The following YAF2 variants were observed in gnomAD, a reference collection of about 807,000 sequenced individuals.
YAF2 encodes YY1-associated factor 2.
In YAF2, 7 loss-of-function variants were observed where a neutral mutation model predicts 20.1. The ratio of observed to expected loss-of-function variants is 0.35; its 90% confidence interval spans 0.20 to 0.65. The LOEUF (loss-of-function observed/expected upper bound fraction) is 0.65. YAF2 is among the 30% of genes least tolerant of loss of function. The pLI is 0.69. For missense variants in YAF2, 151 were observed against 219.2 expected, an observed-to-expected ratio of 0.69 and a Z score of 1.96; for synonymous variants, 74 against 76.0, an observed-to-expected ratio of 0.97 and a Z score of 0.14.
At chr12:42,220,212 A>G (rs2067474445) in intron 2 of YAF2, among the ~76,000 whole-genome samples, 1 of 152,244 alleles carries the variant, frequency 6.6e-6, no homozygotes, top group African/African-American at 2.4e-5. Context: ...TTTTAGAAGT[A>G]GCTAACTTCT....
At chr12:42,187,612 ATACT>A (rs2066506761) in intron 2 of YAF2, among the ~76,000 whole-genome samples, 1 of 152,232 alleles carries the variant, frequency 6.6e-6, no homozygotes, top group Admixed American at 6.5e-5. Context: ...TCCTACTCTG[ATACT>A]TACGTAAAAA....
rs573887007 is a variant in YAF2, at chr12:42,210,779, G to A, written c.152+26820C>T. 1.3e-4 allele frequency: 139 copies of A among 1,047,980 alleles called. 1 individual carries two copies. Among genetic ancestry groups the A allele is most frequent in the Non-Finnish European group, 1.2e-4 (94 of 769,392 alleles). 64.9% of individuals were successfully genotyped at this position (1,047,980 alleles called of 1,614,324 possible). On this transcript the variant is annotated intron_variant, in intron 2 of 3. Coordinates refer to ENST00000534854, the MANE Select transcript of YAF2 (RefSeq NM_005748.6). Reference sequence around the variant, plus strand: ...ATTCACTAGATAACTATATATACACGTATCAAAGTAAATATGGAAACAATT... The same window carrying A: ...ATTCACTAGATAACTATATATACACATATCAAAGTAAATATGGAAACAATT...
chr12:42,187,352 G>A (rs1202024747), intron 2 of YAF2, among the ~76,000 whole-genome samples: 1 of 152,064 alleles, frequency 6.6e-6, no homozygotes, highest in Non-Finnish European at 1.5e-5. Flanking sequence ...TAGAGATGGG[G>A]TTCTGTTATG....
chr12:42,210,625 G>A (rs1333284820), intron 2 of YAF2: 4 of 1,536,006 alleles, frequency 2.6e-6, no homozygotes, highest in Non-Finnish European at 3.5e-6. Flanking sequence ...TGGATCTGTG[G>A]AGATTACCCA....
intron 2 of YAF2, among the ~76,000 whole-genome samples, chr12:42,191,902 C>A (rs2066621953): frequency 6.6e-6 from 1 of 151,634 alleles, no homozygotes; most frequent in African/African-American, 2.4e-5. Flanking sequence ...CCAGCCTGGT[C>A]AACATGGTGA....
At chr12:42,219,396 T>C (rs780068808) in intron 2 of YAF2, among the ~76,000 whole-genome samples, 1 of 152,158 alleles carries the variant, frequency 6.6e-6, no homozygotes, top group East Asian at 1.9e-4. Context: ...AGCTGTATGG[T>C]TGAAGGAATG....
intron 2 of YAF2, among the ~76,000 whole-genome samples, chr12:42,176,479 A>C (rs2066196695): frequency 6.6e-6 from 1 of 152,136 alleles, no homozygotes; most frequent in Non-Finnish European, 1.5e-5. Context: ...CAATCTTTTT[A>C]TCTCTCAGTA....
At position 42,237,371 on chromosome 12, in the gene YAF2, T is replaced by G. The variant is rs974442987; in HGVS notation, c.152+228A>C. 22 of 1,214,614 alleles carry G rather than the reference T, an allele frequency of 1.8e-5. No homozygotes were observed. In the African/African-American group the frequency reaches 3.2e-4, roughly 18 times the overall value. The allele number at this position is 1,214,614 out of a possible 1,614,324, so 75.2% of individuals were successfully genotyped here. ...GTAGCTAATGCCTCCCTTAAATAATTTATTCTCTCTTGGCAGCAAAAAACG... is the reference window on the plus strand; with the variant it reads ...GTAGCTAATGCCTCCCTTAAATAATGTATTCTCTCTTGGCAGCAAAAAACG... On this transcript the variant is annotated intron_variant, in intron 2 of 3. Coordinates refer to ENST00000534854, the MANE Select transcript of YAF2 (RefSeq NM_005748.6).
At chr12:42,235,870 C>T (rs1291480469) in intron 2 of YAF2, 2 of 1,535,984 alleles carry the variant, frequency 1.3e-6, no homozygotes, top group African/African-American at 2.7e-5. Context: ...CTTCTTCTTC[C>T]AGGTGCCAGG....
Position 42,175,995 on chromosome 12 carries a change from C to T in YAF2, c.153-14230G>A, listed in dbSNP as rs1367849251. Among the ~76,000 whole-genome samples the T allele has an allele frequency of 2.6e-5, 4 of 151,910 alleles. No homozygotes were observed. In the East Asian group the frequency reaches 5.8e-4, roughly 22 times the overall value. On this transcript the variant is annotated intron_variant, in intron 2 of 3. Transcript: ENST00000534854. ...GGCTTGGTGGCTCACACCCATAATCCCAGCAGTCTGGGAGGCCAAGGCGGG... is the reference window on the plus strand; with the variant it reads ...GGCTTGGTGGCTCACACCCATAATCTCAGCAGTCTGGGAGGCCAAGGCGGG...
At chr12:42,170,457 G>A (rs922420974) in intron 2 of YAF2, among the ~76,000 whole-genome samples, 8 of 152,010 alleles carry the variant, frequency 5.3e-5, no homozygotes, top group Admixed American at 2.6e-4. Context: ...TTGGTTCCTG[G>A]TTTATATTCT....
At chr12:42,232,575 CAGAT>C in intron 2 of YAF2, 1 of 985,390 alleles carries the variant, frequency 1.0e-6, no homozygotes, top group Non-Finnish European at 1.2e-6. Flanking sequence ...AAAGGCTCCT[CAGAT>C]AGACAGGAGG....
In YAF2 at chr12:42,182,374, GA is replaced by G. The variant is rs528209218; in HGVS notation, c.153-20610del. ...TACAGTTGGAACAAAACACAAATGT[GA>G]AAAAAAAATCAATCAGCTTGTTATG... On this transcript the variant is annotated intron_variant, in intron 2 of 3. Transcript: ENST00000534854. 8.5e-3 allele frequency among the ~76,000 whole-genome samples: 1,287 copies of G among 150,694 alleles called. 14 individuals carry two copies. The highest frequency in any genetic ancestry group is 0.029 in the African/African-American group (1,182 of 41,130).
At chr12:42,237,881 G>T in intron 1 of YAF2, 157 bp from the exon 2 acceptor site, 1 of 676,912 alleles carries the variant, frequency 1.5e-6, no homozygotes, top group Non-Finnish European at 1.8e-6. Flanking sequence ...TGAGGGGGAA[G>T]GGAGTCAGGA....
chr12:42,204,512 G>A (rs575062798), intron 2 of YAF2, among the ~76,000 whole-genome samples: 3 of 152,282 alleles, frequency 2.0e-5, no homozygotes, highest in Admixed American at 6.5e-5. Context: ...ATCATGTAAT[G>A]CATATGGGAG....
intron 2 of YAF2, among the ~76,000 whole-genome samples, chr12:42,208,899 A>G (rs1188487057): frequency 1.3e-5 from 2 of 152,248 alleles, no homozygotes; most frequent in African/African-American, 4.8e-5. Context: ...GGCCTCAAGT[A>G]TCCAGCAAAC....
At chr12:42,163,618 T>C (rs1277411297) in intron 2 of YAF2, among the ~76,000 whole-genome samples, 1 of 152,244 alleles carries the variant, frequency 6.6e-6, no homozygotes, top group African/African-American at 2.4e-5. Context: ...TTTATTCTTA[T>C]TTTAATGTGA....
intron 2 of YAF2, among the ~76,000 whole-genome samples, chr12:42,197,269 C>G (rs1262809413): frequency 6.6e-6 from 1 of 152,150 alleles, no homozygotes; most frequent in African/African-American, 2.4e-5. Context: ...CTTCCTTTGG[C>G]TATGAACCCT....
intron 2 of YAF2, among the ~76,000 whole-genome samples, chr12:42,176,520 C>T (rs1056824006): frequency 2.0e-5 from 3 of 152,284 alleles, no homozygotes; most frequent in Non-Finnish European, 4.4e-5. Context: ...GTTGCTTAGA[C>T]CGAACACTTA....
Sources: gnomAD v4.1 joint callset for allele counts (sites outside exome capture counted in the v4.1 genomes callset) on GRCh38, gnomAD v4.1.1 for gene constraint, MANE v1.5 for transcripts, NCBI Gene and HGNC (gene_info 2026-07-23, HGNC 2026-07-21) for gene names.